The following NBPF14 variants were observed in gnomAD, a reference collection of about 807,000 sequenced individuals.
NBPF14 encodes NBPF member 14.
A neutral mutation model predicts 91.2 loss-of-function variants in NBPF14; 104 were observed. The observed-to-expected ratio is 1.14, with a 90% CI of 0.97 to 1.34. The LOEUF is 1.34. Among genes scored for constraint, NBPF14 ranks in the 40% most tolerant of loss-of-function variants. The pLI is 0.00. For synonymous variants in NBPF14, 294 were observed against 303.8 expected, an observed-to-expected ratio of 0.97 and a Z score of 0.34; for missense variants, 908 against 783.0, an observed-to-expected ratio of 1.16 and a Z score of -1.91.
At chr1:148,588,233 C>T (rs1479443359) in intron 7 of NBPF14, among the ~76,000 whole-genome samples, 10 of 109,750 alleles carry the variant, frequency 9.1e-5, no homozygotes, top group East Asian at 4.8e-4. Context: ...CACACATTCT[C>T]GGGTGCGATC....
At chr1:148,538,257 G>T (rs1169269476) in intron 64 of NBPF14, among the ~76,000 whole-genome samples, 1 of 70,498 alleles carries the variant, frequency 1.4e-5, no homozygotes, top group Admixed American at 1.5e-4. Context: ...CAGAGAGAGA[G>T]AGAACGAGCT....
At chr1:148,583,940 G>A (rs1205364833) in intron 11 of NBPF14, among the ~76,000 whole-genome samples, 1 of 125,390 alleles carries the variant, frequency 8.0e-6, no homozygotes, top group Non-Finnish European at 1.6e-5. Flanking sequence ...TGGAGAACCA[G>A]GGTCCAGCCT....
chr1:148,566,459 A>T lies in NBPF14; in HGVS notation c.3543-144T>A, dbSNP rs1286289078. The T allele has an allele frequency of 8.4e-6, 5 of 594,622 alleles. No individual in the cohort carries two copies. The African/African-American group carries it at 9.7e-5, about 12-fold the overall frequency. The allele number at this position is 594,622 out of a possible 1,614,324, so 36.8% of individuals were successfully genotyped here. On this transcript the variant is annotated intron_variant, in intron 28 of 70. Transcript: ENST00000619423. Reference sequence around the variant, plus strand: ...AATGAGGTAACAAATTGTTGCCTTCATGTTGGGACAGAACAGGGCCAAATG... The same window carrying T: ...AATGAGGTAACAAATTGTTGCCTTCTTGTTGGGACAGAACAGGGCCAAATG...
chr1:148,594,048 G>A (rs1662922120), intron 2 of NBPF14, among the ~76,000 whole-genome samples: 1 of 148,210 alleles, frequency 6.7e-6, no homozygotes. Context: ...CTGCACTGGG[G>A]CATGAAGTAG....
chr1:148,572,703 G>T, intron 20 of NBPF14, 88 bp from the exon 21 acceptor site: 3 of 671,892 alleles, frequency 4.5e-6, no homozygotes, highest in Middle Eastern at 3.9e-4. Flanking sequence ...ACGTAAGGAA[G>T]AGTTTGAAAA....
At chr1:148,565,722 C>A (rs1658142963) in intron 29 of NBPF14, among the ~76,000 whole-genome samples, 1 of 7,710 alleles carries the variant, frequency 1.3e-4, no homozygotes, top group Non-Finnish European at 2.6e-4. Flanking sequence ...AAAGCAAATA[C>A]CCTCAAATGA....
chr1:148,584,063 GC>G lies in NBPF14; in HGVS notation c.1585+407del, dbSNP rs1661150263. ...AAGGAGATCCAGATGAAAGCTGAGA[GC>G]AGTGAAGCCTGGGGAACGATATTTC... is the stretch of plus-strand genomic sequence containing the variant. On this transcript the variant is annotated intron_variant, in intron 11 of 70. Transcript: ENST00000619423. Among the ~76,000 whole-genome samples the G allele has an allele frequency of 4.7e-5, 7 of 150,498 alleles. No individual in the cohort carries two copies. In the South Asian group the frequency reaches 1.5e-3, roughly 32 times the overall value.
intron 36 of NBPF14, among the ~76,000 whole-genome samples, 198 bp from the exon 37 acceptor site, chr1:148,560,163 G>A (rs1348833124): frequency 6.7e-6 from 1 of 149,860 alleles, no homozygotes; most frequent in Non-Finnish European, 1.5e-5. Flanking sequence ...GACAGAGAGA[G>A]AGAGACAGAG....
At chr1:148,557,069 C>A (rs1656694183) in intron 40 of NBPF14, among the ~76,000 whole-genome samples, 1 of 124,946 alleles carries the variant, frequency 8.0e-6, no homozygotes, top group Non-Finnish European at 1.6e-5. Context: ...GACACACACA[C>A]ACACACACAC....
chr1:148,533,740 T>C, intron 70 of NBPF14, 121 bp downstream of exon 70: 1 of 751,826 alleles, frequency 1.3e-6, no homozygotes, highest in Non-Finnish European at 2.4e-6. Flanking sequence ...CCAACAGCAA[T>C]GACAGTAGGA....
chr1:148,559,373 A>G (rs1291695857), intron 37 of NBPF14, among the ~76,000 whole-genome samples: 12 of 131,972 alleles, frequency 9.1e-5, no homozygotes, highest in Non-Finnish European at 1.5e-4. Context: ...ATTGCCCCCA[A>G]ATGGTTGCTA....
chr1:148,533,649 G>A (rs1410317637), intron 70 of NBPF14, among the ~76,000 whole-genome samples: 1 of 148,348 alleles, frequency 6.7e-6, no homozygotes, highest in Non-Finnish European at 1.5e-5. Flanking sequence ...TACAGCTTTT[G>A]AAGTATGGTC....
At chr1:148,566,414 A>T (rs1372718608) in intron 28 of NBPF14, 99 bp from the exon 29 acceptor site, 10 of 620,202 alleles carry the variant, frequency 1.6e-5, no homozygotes, top group Admixed American at 2.8e-5. Flanking sequence ...TGGTTAAAAA[A>T]CTAAAAGGAT....
At position 148,566,429 on chromosome 1, in the gene NBPF14, C is replaced by T. The variant is rs1312590624; in HGVS notation, c.3543-114G>A. On this transcript the variant is annotated intron_variant, in intron 28 of 70. Transcript: ENST00000619423. Reference sequence around the variant, plus strand: ...TGGTTAAAAAACTAAAAGGATAGATCCATTAATGAGGTAACAAATTGTTGC... The same window carrying T: ...TGGTTAAAAAACTAAAAGGATAGATTCATTAATGAGGTAACAAATTGTTGC... The T allele has an allele frequency of 5.4e-5, 32 of 597,628 alleles. 3 individuals are homozygous for T. The highest frequency in any genetic ancestry group is 1.8e-4 in the African/African-American group (9 of 50,884). 37.0% of individuals were successfully genotyped at this position (597,628 alleles called of 1,614,324 possible).
At position 148,577,411 on chromosome 1, in the gene NBPF14, C is replaced by T. The variant is rs1249107270; in HGVS notation, c.1854-56G>A. 24 of 657,624 alleles carry T rather than the reference C, an allele frequency of 3.6e-5. 1 individual carries two copies. Among genetic ancestry groups the T allele is most frequent in the African/African-American group, 1.1e-4 (6 of 53,424 alleles). The allele number at this position is 657,624 out of a possible 1,614,324, so 40.7% of individuals were successfully genotyped here. A position where few individuals can be genotyped will look rare whatever the true frequency, so the allele number is the denominator to read the frequency against. ...CCAGGGGGAATCAGAAACCACACAG[C>T]CCCAGCTAGATTTCATGGCTAACGT... On this transcript the variant is annotated intron_variant, in intron 14 of 70. Transcript: ENST00000619423.
chr1:148,591,160 A>G (rs1348190688), intron 5 of NBPF14, among the ~76,000 whole-genome samples, 192 bp from the exon 6 acceptor site: 4,281 of 146,418 alleles, frequency 0.029, 388 homozygotes, highest in East Asian at 0.16. Context: ...GGAGCCAGAG[A>G]GGAAGAGAGC....
At chr1:148,572,768 A>T (rs1199397716) in intron 20 of NBPF14, among the ~76,000 whole-genome samples, 153 bp from the exon 21 acceptor site, 1 of 75,798 alleles carries the variant, frequency 1.3e-5, no homozygotes, top group Admixed American at 1.2e-4. Flanking sequence ...ATGTTGGGAT[A>T]GAACAGGGCC....
At chr1:148,593,431 T>G (rs1242434952) in intron 3 of NBPF14, among the ~76,000 whole-genome samples, 167 bp downstream of exon 3, 3 of 148,118 alleles carry the variant, frequency 2.0e-5, no homozygotes, top group Admixed American at 2.0e-4. Flanking sequence ...AACAGAGAAC[T>G]TATTATTATC....
At chr1:148,578,828 G>A (rs1270527659) in intron 13 of NBPF14, among the ~76,000 whole-genome samples, 1 of 150,108 alleles carries the variant, frequency 6.7e-6, no homozygotes, top group Non-Finnish European at 1.5e-5. Context: ...TGAGTTCAAT[G>A]TCGTGACAGT....
Sources: allele counts gnomAD v4.1 joint callset (sites outside exome capture counted in the v4.1 genomes callset), GRCh38; gene constraint gnomAD v4.1.1; transcripts MANE v1.5; gene names NCBI Gene and HGNC (gene_info 2026-07-23, HGNC 2026-07-21).